Variants in ROBO1 observed in about 807,000 individuals in gnomAD.
ROBO1 encodes roundabout homolog 1.
A neutral mutation model predicts 195.9 loss-of-function variants in ROBO1; 149 were observed. The observed-to-expected ratio is 0.76, with a 90% CI of 0.67 to 0.87. ROBO1 has a LOEUF of 0.87. Ranked by LOEUF, ROBO1 falls within the 40% of genes least tolerant of loss-of-function variation. The probability of loss-of-function intolerance (pLI) is 0.00; values close to 1 mark genes in which losing one functional copy is unlikely to be tolerated. For missense variants in ROBO1, 1,933 were observed against 2,068.3 expected (o/e 0.93, Z 1.27); for synonymous variants, 816 against 733.2 (o/e 1.11, Z -1.82).
intron 5 of ROBO1, among the ~76,000 whole-genome samples, chr3:78,721,499 T>C (rs1016803897): frequency 6.6e-6 from 1 of 152,170 alleles, no homozygotes. Flanking sequence ...TCTCTGGATA[T>C]TTAGGAGACA....
intron 4 of ROBO1, among the ~76,000 whole-genome samples, chr3:78,803,953 T>G (rs896225442): frequency 6.6e-6 from 1 of 152,164 alleles, no homozygotes; most frequent in Non-Finnish European, 1.5e-5. Context: ...AAGGTATACT[T>G]AAAAGATTTC....
At chr3:79,170,115 G>A (rs993919933) in intron 2 of ROBO1, among the ~76,000 whole-genome samples, 1 of 152,116 alleles carries the variant, frequency 6.6e-6, no homozygotes, top group African/African-American at 2.4e-5. Context: ...ATATCCTAGT[G>A]TAGGGCTCTT....
intron 4 of ROBO1, among the ~76,000 whole-genome samples, chr3:78,864,900 G>A (rs925025657): frequency 3.3e-5 from 5 of 151,988 alleles, no homozygotes; most frequent in African/African-American, 7.2e-5. Context: ...TAAGATCTTC[G>A]TGATTATAAA....
intron 2 of ROBO1, among the ~76,000 whole-genome samples, chr3:79,575,205 T>TATATATAAATATATATAA (rs1286326282): frequency 4.9e-4 from 30 of 61,246 alleles, no homozygotes; most frequent in African/African-American, 2.5e-3. Flanking sequence ...AATATATATA[T>TATATATAAATATATATAA]AACAGATATA....
intron 8 of ROBO1, among the ~76,000 whole-genome samples, chr3:78,700,584 G>T (rs1235133709): frequency 1.3e-5 from 2 of 152,060 alleles, no homozygotes; most frequent in East Asian, 3.9e-4. Context: ...AAGGCATCAG[G>T]CTTAGCTAAC....
At chr3:79,320,823 AT>A in intron 2 of ROBO1, among the ~76,000 whole-genome samples, 1 of 152,340 alleles carries the variant, frequency 6.6e-6, no homozygotes, top group Non-Finnish European at 1.5e-5. Context: ...AGAGATAAGT[AT>A]TTAATTTTAG....
chr3:79,760,613 CAA>C (rs55786186), intron 1 of ROBO1, among the ~76,000 whole-genome samples: 10 of 144,020 alleles, frequency 6.9e-5, no homozygotes, highest in Non-Finnish European at 1.4e-4. Flanking sequence ...CAATTCACAG[CAA>C]AAAAAAAAAA....
intron 4 of ROBO1, among the ~76,000 whole-genome samples, chr3:78,864,093 G>T (rs1185861839): frequency 2.0e-5 from 3 of 152,098 alleles, no homozygotes; most frequent in Admixed American, 6.6e-5. Flanking sequence ...TTCTTCATCA[G>T]GAGGAATATG....
chr3:79,443,965 G>A (rs1252164312), intron 2 of ROBO1, among the ~76,000 whole-genome samples: 1 of 150,148 alleles, frequency 6.7e-6, no homozygotes, highest in South Asian at 2.1e-4. Flanking sequence ...GAAAAACCGG[G>A]AGTGCACATG....
intron 4 of ROBO1, among the ~76,000 whole-genome samples, chr3:78,923,679 T>G (rs983193841): frequency 1.2e-4 from 18 of 152,112 alleles, no homozygotes; most frequent in African/African-American, 4.1e-4. Flanking sequence ...CCTCTCCAGC[T>G]CATCAACTCA....
intron 2 of ROBO1, among the ~76,000 whole-genome samples, chr3:79,357,127 A>C (rs2035588014): frequency 6.6e-6 from 1 of 152,138 alleles, no homozygotes; most frequent in Non-Finnish European, 1.5e-5. Context: ...CAAATGGTAC[A>C]TTGAAACAAT....
intron 1 of ROBO1, among the ~76,000 whole-genome samples, chr3:79,699,566 T>C (rs1947553198): frequency 1.3e-5 from 2 of 151,776 alleles, no homozygotes; most frequent in South Asian, 4.1e-4. Flanking sequence ...CTACCAGGGG[T>C]ACAATTTTTG....
chr3:78,681,250 G>A lies in ROBO1; in HGVS notation c.1342+4496C>T, dbSNP rs1019905169. ...CTAATGCTAAATGAGGAGTTAATGG[G>A]TGCAGCACAGCAGCATGGCACATGT... On this transcript the variant is annotated intron_variant, in intron 10 of 30. Coordinates refer to ENST00000464233, the MANE Select transcript of ROBO1 (RefSeq NM_002941.4). Among the ~76,000 whole-genome samples the A allele has an allele frequency of 1.2e-4, 19 of 152,086 alleles. 1 individual carries two copies. The highest frequency in any genetic ancestry group is 4.3e-4 in the African/African-American group (18 of 41,470).
At chr3:79,597,206 A>G (rs1030015544) in intron 1 of ROBO1, among the ~76,000 whole-genome samples, 7 of 151,904 alleles carry the variant, frequency 4.6e-5, no homozygotes, top group Admixed American at 1.3e-4. Context: ...TACGGTGTGT[A>G]TAAGTCCGCA....
At chr3:79,299,688 C>T (rs867024891) in intron 2 of ROBO1, among the ~76,000 whole-genome samples, 42 of 151,834 alleles carry the variant, frequency 2.8e-4, no homozygotes, top group African/African-American at 9.7e-4. Context: ...GAAAACAAGA[C>T]TTTTTAAAGC....
chr3:79,526,824 A>T lies in ROBO1; in HGVS notation c.88+63000T>A, dbSNP rs545203429. ...GCAATTATGATTCTAAGAGACAAATAAATTTAGAAGATAAATAAAATCAGT... is the reference window on the plus strand; with the variant it reads ...GCAATTATGATTCTAAGAGACAAATTAATTTAGAAGATAAATAAAATCAGT... On this transcript the variant is annotated intron_variant, in intron 2 of 30. Transcript: ENST00000464233. 2.0e-5 allele frequency among the ~76,000 whole-genome samples: 3 copies of T among 152,328 alleles called. No individual in the cohort carries two copies. The South Asian group carries it at 6.2e-4, about 32-fold the overall frequency.
At chr3:79,298,843 T>C (rs2032734960) in intron 2 of ROBO1, among the ~76,000 whole-genome samples, 1 of 152,134 alleles carries the variant, frequency 6.6e-6, no homozygotes, top group African/African-American at 2.4e-5. Context: ...AGGAAGGAGT[T>C]CATTATTTTC....
chr3:78,891,911 A>G (rs1050489267), intron 4 of ROBO1, among the ~76,000 whole-genome samples: 9 of 152,244 alleles, frequency 5.9e-5, no homozygotes, highest in African/African-American at 2.2e-4. Flanking sequence ...ATAGATGTCT[A>G]AACAGTGGTT....
intron 2 of ROBO1, among the ~76,000 whole-genome samples, chr3:79,411,327 A>G (rs2037756362): frequency 6.6e-6 from 1 of 152,180 alleles, no homozygotes; most frequent in Non-Finnish European, 1.5e-5. Flanking sequence ...GACATTTCTT[A>G]AATACACAGA....
Sources: gnomAD v4.1 joint callset for allele counts (sites outside exome capture counted in the v4.1 genomes callset) on GRCh38, gnomAD v4.1.1 for gene constraint, MANE v1.5 for transcripts, NCBI Gene and HGNC (gene_info 2026-07-23, HGNC 2026-07-21) for gene names.